Variants in WARS2 observed in about 807,000 individuals in gnomAD.
WARS2 encodes the protein tryptophan--tRNA ligase, mitochondrial.
WARS2 carries 28 observed loss-of-function variants against 36.5 expected under a neutral mutation model. That is an observed-to-expected ratio of 0.77 (90% CI 0.57 to 1.05). The LOEUF (loss-of-function observed/expected upper bound fraction) is 1.05. Among genes scored for constraint, WARS2 ranks in the 50% least tolerant of loss-of-function variants. WARS2 has a pLI of 0.00. For synonymous variants in WARS2, 174 were observed against 178.4 expected, an observed-to-expected ratio of 0.98 and a Z score of 0.20; for missense variants, 435 against 456.8, an observed-to-expected ratio of 0.95 and a Z score of 0.44.
At chr1:119,090,045 T>A (rs587705783) in intron 1 of WARS2, among the ~76,000 whole-genome samples, 158 of 152,072 alleles carry the variant, frequency 1.0e-3, no homozygotes, top group African/African-American at 3.6e-3. Context: ...GACAGGATGA[T>A]CTGTGTAGCA....
At chr1:119,079,917 C>T (rs1272313110) in intron 1 of WARS2, among the ~76,000 whole-genome samples, 2 of 152,094 alleles carry the variant, frequency 1.3e-5, no homozygotes, top group Non-Finnish European at 2.9e-5. Flanking sequence ...GTGATGAAAT[C>T]CCCAAATCAT....
At chr1:119,094,665 T>C (rs587759943) in intron 1 of WARS2, among the ~76,000 whole-genome samples, 16 of 152,252 alleles carry the variant, frequency 1.1e-4, no homozygotes, top group Middle Eastern at 3.4e-3. Context: ...TCATCCCACA[T>C]AGTTATCAAT....
At chr1:119,101,990 C>T (rs1006837499) in intron 1 of WARS2, among the ~76,000 whole-genome samples, 3 of 147,490 alleles carry the variant, frequency 2.0e-5, no homozygotes, top group Non-Finnish European at 4.4e-5. Flanking sequence ...TTACAAACTG[C>T]AGACCACTAT....
At chr1:119,067,696 T>C (rs745709008) in intron 2 of WARS2, among the ~76,000 whole-genome samples, 13 of 152,180 alleles carry the variant, frequency 8.5e-5, no homozygotes, top group Non-Finnish European at 1.9e-4. Context: ...TTTAAATTGC[T>C]ATTAAAGACA....
chr1:119,124,477 G>A (rs1655525097), intron 1 of WARS2, among the ~76,000 whole-genome samples: 1 of 152,076 alleles, frequency 6.6e-6, no homozygotes, highest in Non-Finnish European at 1.5e-5. Flanking sequence ...GTGACAGAGT[G>A]AGGCTCTGTC....
intron 1 of WARS2, among the ~76,000 whole-genome samples, chr1:119,077,370 A>C (rs1358868009): frequency 6.6e-6 from 1 of 152,138 alleles, no homozygotes; most frequent in African/African-American, 2.4e-5. Context: ...TGGAGATTAA[A>C]GGGGCCTCAA....
intron 1 of WARS2, among the ~76,000 whole-genome samples, chr1:119,129,859 T>C (rs1655968812): frequency 1.3e-5 from 2 of 152,256 alleles, no homozygotes; most frequent in Non-Finnish European, 2.9e-5. Flanking sequence ...GACCAACTAC[T>C]ATAATATCAC....
In WARS2 at chr1:119,034,212, A is replaced by T; in HGVS notation, c.517T>A (p.Ser173Thr). The change falls in exon 5 of 6, where the codon TCC (serine) becomes ACC (threonine). Residue 173 changes from serine (S) to threonine (T), a missense_variant and splice_region_variant. Ser to Thr is a moderately conservative substitution (Grantham distance 58). Coordinates refer to ENST00000235521, the MANE Select transcript of WARS2 (RefSeq NM_015836.4). ...LQAADILLYK[S>T]THVPVGEDQV... ...TCCTCCCCAACAGGAACGTGTGTGG[A>T]CCTTTAATAAAAGACAGACAGAAAA... The T allele has an allele frequency of 6.2e-7, 1 of 1,612,894 alleles. No individual in the cohort carries two copies. Among genetic ancestry groups the T allele is most frequent in the Non-Finnish European group, 8.5e-7 (1 of 1,179,190 alleles).
At chr1:119,110,186 TAA>T (rs1300368751) in intron 1 of WARS2, among the ~76,000 whole-genome samples, 1 of 152,038 alleles carries the variant, frequency 6.6e-6, no homozygotes, top group East Asian at 1.9e-4. Context: ...TAAGAAAGAT[TAA>T]AGTTTCCATT....
At chr1:119,084,322 T>C (rs587765622) in intron 1 of WARS2, among the ~76,000 whole-genome samples, 1 of 152,180 alleles carries the variant, frequency 6.6e-6, no homozygotes, top group South Asian at 2.1e-4. Flanking sequence ...GGGTTTCATT[T>C]TGGGATGATA....
intron 1 of WARS2, among the ~76,000 whole-genome samples, chr1:119,107,671 AAGAG>A (rs61528583): frequency 0.28 from 42,007 of 149,524 alleles, 6,204 homozygotes; most frequent in African/African-American, 0.38. Context: ...TAGAAAAAGA[AAGAG>A]AGAGAGAGAG....
intron 1 of WARS2, chr1:119,085,600 T>C (rs1337883561): frequency 4.6e-6 from 7 of 1,532,024 alleles, no homozygotes; most frequent in Non-Finnish European, 3.6e-6. Flanking sequence ...TCTGAGTCCT[T>C]AGGAACGCAA....
At position 119,059,167 on chromosome 1, in the gene WARS2, G is replaced by A. The variant is rs540396399; in HGVS notation, c.349-13505C>T. Among the ~76,000 whole-genome samples, 11 of 151,838 alleles carry A rather than the reference G, an allele frequency of 7.2e-5. 1 individual carries two copies. The South Asian group carries it at 2.3e-3, about 32-fold the overall frequency. ...TTTTTGATGGGGTTGTTTTTTTCTT[G>A]TAAATTTGTTTGAGTTCATTGTAGA... is the stretch of plus-strand genomic sequence containing the variant. On this transcript the variant is annotated intron_variant, in intron 2 of 5. Transcript: ENST00000235521.
intron 1 of WARS2, among the ~76,000 whole-genome samples, chr1:119,129,759 C>T (rs1571403488): frequency 2.0e-5 from 3 of 151,916 alleles, no homozygotes; most frequent in African/African-American, 7.2e-5. Flanking sequence ...AAATCCCATT[C>T]TCTCTAACAG....
chr1:119,043,017 A>C (rs890269326), intron 3 of WARS2, among the ~76,000 whole-genome samples: 1 of 152,190 alleles, frequency 6.6e-6, no homozygotes, highest in African/African-American at 2.4e-5. Flanking sequence ...AAGTTGATGG[A>C]AACACCTGAG....
chr1:119,131,179 T>C (rs1486307294), intron 1 of WARS2, among the ~76,000 whole-genome samples: 2 of 152,206 alleles, frequency 1.3e-5, no homozygotes, highest in African/African-American at 4.8e-5. Context: ...CTGAGGTTTT[T>C]TGGTTGTTGC....
At chr1:119,076,287 A>ACGAGCAG in intron 2 of WARS2, 63 bp downstream of exon 2, 1 of 1,581,390 alleles carries the variant, frequency 6.3e-7, no homozygotes, top group Admixed American at 1.8e-5. Context: ...TGAACCATTC[A>ACGAGCAG]ACATTTTTTC....
chr1:119,085,131 G>C (rs587666875), intron 1 of WARS2: 6 of 782,534 alleles, frequency 7.7e-6, no homozygotes, highest in Non-Finnish European at 1.4e-5. Flanking sequence ...CCCGTTGTAC[G>C]GGCTAGAAAG....
At chr1:119,113,525 A>C (rs587731490) in intron 1 of WARS2, among the ~76,000 whole-genome samples, 1 of 152,264 alleles carries the variant, frequency 6.6e-6, no homozygotes, top group East Asian at 1.9e-4. Context: ...ATTGGCAGTA[A>C]ATTTTTTTTA....
Sources: gnomAD v4.1 joint callset for allele counts (sites outside exome capture counted in the v4.1 genomes callset) on GRCh38, gnomAD v4.1.1 for gene constraint, MANE v1.5 for transcripts, NCBI Gene and HGNC (gene_info 2026-07-23, HGNC 2026-07-21) for gene names.